SPIN1: variants seen among roughly 807,000 people sequenced by gnomAD.
The protein encoded by SPIN1 is spindlin-1.
SPIN1 carries 3 observed loss-of-function variants against 26.0 expected under a neutral mutation model. The observed-to-expected ratio is 0.12, with a 90% CI of 0.05 to 0.30. The LOEUF is 0.30. Among genes scored for constraint, SPIN1 ranks in the 10% least tolerant of loss-of-function variants. SPIN1 has a pLI of 1.00. For synonymous variants in SPIN1, 101 were observed against 116.5 expected (o/e 0.87, Z 0.86); for missense variants, 126 against 333.4 (o/e 0.38, Z 4.84).
At chr9:88,423,135 C>G (rs1827703369) in intron 1 of SPIN1, among the ~76,000 whole-genome samples, 1 of 152,150 alleles carries the variant, frequency 6.6e-6, no homozygotes, top group Non-Finnish European at 1.5e-5. Context: ...ACAAGTTCAA[C>G]TTGAAATTTT....
chr9:88,403,126 G>T (rs999888425), intron 1 of SPIN1, among the ~76,000 whole-genome samples: 1 of 151,944 alleles, frequency 6.6e-6, no homozygotes, highest in East Asian at 1.9e-4. Flanking sequence ...TTTTTAGTGG[G>T]ATTATTATTA....
intron 1 of SPIN1, among the ~76,000 whole-genome samples, chr9:88,417,939 CAGCCAGATGGAAGAG>C (rs1160340461): frequency 3.9e-5 from 6 of 152,212 alleles, no homozygotes; most frequent in Non-Finnish European, 8.8e-5. Context: ...AACTCAGGAA[CAGCCAGATGGAAGAG>C]AGATGCATAA....
intron 2 of SPIN1, among the ~76,000 whole-genome samples, chr9:88,430,359 T>C (rs997333941): frequency 7.9e-5 from 12 of 152,218 alleles, no homozygotes; most frequent in African/African-American, 2.9e-4. Context: ...TAAGAGAAAC[T>C]GTCACAGCTG....
intron 2 of SPIN1, among the ~76,000 whole-genome samples, chr9:88,431,290 CTT>C (rs537803394): frequency 7.0e-5 from 10 of 143,334 alleles, no homozygotes; most frequent in East Asian, 6.1e-4. Context: ...CTCTCTCTCT[CTT>C]TTTTTTTTTT....
At chr9:88,460,341 T>C (rs897793402) in intron 3 of SPIN1, among the ~76,000 whole-genome samples, 1 of 152,182 alleles carries the variant, frequency 6.6e-6, no homozygotes, top group Non-Finnish European at 1.5e-5. Context: ...GAAAAAAAAT[T>C]TCAAATTATT....
At chr9:88,405,980 A>T (rs1025359398) in intron 1 of SPIN1, among the ~76,000 whole-genome samples, 3 of 149,366 alleles carry the variant, frequency 2.0e-5, no homozygotes, top group Admixed American at 1.3e-4. Context: ...CTACAGGCGC[A>T]TGCCACCGTG....
intron 3 of SPIN1, among the ~76,000 whole-genome samples, chr9:88,462,085 A>G (rs1828587980): frequency 6.6e-6 from 1 of 152,234 alleles, no homozygotes; most frequent in Admixed American, 6.5e-5. Context: ...ATATTATATA[A>G]AACTATATAC....
intron 5 of SPIN1, among the ~76,000 whole-genome samples, chr9:88,471,907 T>C (rs1243290561): frequency 3.3e-5 from 5 of 152,030 alleles, no homozygotes; most frequent in Non-Finnish European, 7.4e-5. Context: ...CTCGGCTCAT[T>C]GCAACCTCCG....
chr9:88,440,750 T>G lies in SPIN1; in HGVS notation c.53-8191T>G, dbSNP rs557222973. ...GCACGCCACCACGCCAAGCTATTTC[T>G]TGTATTTTTGTAGAGATGGGGTTTC... On this transcript the variant is annotated intron_variant, in intron 2 of 5. Coordinates refer to ENST00000375859, the MANE Select transcript of SPIN1 (RefSeq NM_006717.3). Among the ~76,000 whole-genome samples the G allele has an allele frequency of 3.1e-4, 47 of 151,790 alleles. 3 individuals carry two copies. The highest frequency in any genetic ancestry group is 1.1e-3 in the African/African-American group (45 of 41,218).
intron 1 of SPIN1, among the ~76,000 whole-genome samples, chr9:88,422,621 A>T (rs373124113): frequency 1.3e-5 from 2 of 152,034 alleles, no homozygotes; most frequent in Non-Finnish European, 2.9e-5. Context: ...TGGTTGAACT[A>T]TTTATTACTT....
intron 1 of SPIN1, among the ~76,000 whole-genome samples, chr9:88,416,918 C>T (rs1439871951): frequency 2.0e-5 from 3 of 152,218 alleles, no homozygotes; most frequent in African/African-American, 4.8e-5. Flanking sequence ...CCATCGCGCC[C>T]AGCCTTGAAT....
intron 1 of SPIN1, among the ~76,000 whole-genome samples, chr9:88,422,800 C>G (rs1827695753): frequency 6.6e-6 from 1 of 151,722 alleles, no homozygotes; most frequent in African/African-American, 2.4e-5. Context: ...ACCTCTGCCT[C>G]CCGGGTTCAG....
At chr9:88,464,746 T>G (rs535611470) in intron 4 of SPIN1, among the ~76,000 whole-genome samples, 4 of 152,206 alleles carry the variant, frequency 2.6e-5, no homozygotes, top group Non-Finnish European at 5.9e-5. Flanking sequence ...TAACTACTTT[T>G]TTTTTAATTG....
intron 2 of SPIN1, among the ~76,000 whole-genome samples, chr9:88,442,503 A>G (rs1459968130): frequency 2.6e-5 from 4 of 151,292 alleles, no homozygotes; most frequent in African/African-American, 7.3e-5. Flanking sequence ...TCCCTGGTTC[A>G]AGCATTTCTC....
At chr9:88,459,129 T>C (rs1261377318) in intron 3 of SPIN1, among the ~76,000 whole-genome samples, 1 of 152,214 alleles carries the variant, frequency 6.6e-6, no homozygotes, top group Non-Finnish European at 1.5e-5. Flanking sequence ...CTGAATTCTA[T>C]CCTTAGTGAG....
intron 1 of SPIN1, among the ~76,000 whole-genome samples, chr9:88,421,766 C>G (rs186317936): frequency 6.0e-4 from 91 of 152,026 alleles, no homozygotes; most frequent in African/African-American, 2.2e-3. Flanking sequence ...GTACAAAGTC[C>G]ACCTTTCTAA....
chr9:88,471,859 C>T (rs1045448561), intron 5 of SPIN1, among the ~76,000 whole-genome samples: 29 of 151,640 alleles, frequency 1.9e-4, no homozygotes, highest in African/African-American at 6.0e-4. Flanking sequence ...TTGAGACAGT[C>T]GCACTCTGTT....
intron 5 of SPIN1, 132 bp from the exon 6 acceptor site, chr9:88,474,946 T>A: frequency 4.7e-6 from 4 of 856,242 alleles, no homozygotes; most frequent in Non-Finnish European, 6.9e-6. Flanking sequence ...CTGGTCTAGA[T>A]AATCATGAAT....
intron 2 of SPIN1, among the ~76,000 whole-genome samples, chr9:88,434,603 GT>G (rs540561987): frequency 1.3e-5 from 2 of 152,046 alleles, no homozygotes; most frequent in South Asian, 4.2e-4. Flanking sequence ...GCTTAACAAT[GT>G]GGGTTAAGCA....
Sources: gnomAD v4.1 joint callset for allele counts (sites outside exome capture counted in the v4.1 genomes callset) on GRCh38, gnomAD v4.1.1 for gene constraint, MANE v1.5 for transcripts, NCBI Gene and HGNC (gene_info 2026-07-23, HGNC 2026-07-21) for gene names.